The following LTA4H variants were observed in gnomAD, a reference collection of about 807,000 sequenced individuals.
LTA4H encodes leukotriene A4 hydrolase.
LTA4H carries 59 observed loss-of-function variants against 89.8 expected under a neutral mutation model. The observed-to-expected ratio is 0.66, with a 90% CI of 0.53 to 0.82. The LOEUF (loss-of-function observed/expected upper bound fraction) is 0.82. Among genes scored for constraint, LTA4H ranks in the 40% least tolerant of loss-of-function variants. The pLI, the probability that LTA4H is intolerant of heterozygous loss-of-function variation, is 0.00. For missense variants in LTA4H, 617 were observed against 727.0 expected (o/e 0.85, Z 1.74); for synonymous variants, 227 against 253.1 (o/e 0.90, Z 0.98).
Position 96,009,932 on chromosome 12 carries a change from T to C in LTA4H, c.1380-784A>G, listed in dbSNP as rs1286015235. 2.0e-5 allele frequency: 3 copies of C among 151,938 alleles called. No individual in the cohort carries two copies. The East Asian group carries it at 5.8e-4, about 29-fold the overall frequency. The allele number at this position is 151,938 out of a possible 1,614,324, so 9.4% of individuals were successfully genotyped here. A position where few individuals can be genotyped will look rare whatever the true frequency, so the allele number is the denominator to read the frequency against. On this transcript the variant is annotated intron_variant, in intron 14 of 18. Transcript: ENST00000228740. ...ACCACTGAATCTCCCTTAAAGAGAG[T>C]TGTGACTGGGACTCCGTTTGTTCCC... is the stretch of plus-strand genomic sequence containing the variant.
At position 96,013,873 on chromosome 12, in the gene LTA4H, G is replaced by T. The variant is rs372836287; in HGVS notation, c.1205-20C>A. The T allele has an allele frequency of 2.0e-5, 22 of 1,076,602 alleles. No homozygotes were observed. The highest frequency in any genetic ancestry group is 6.4e-5 in the African/African-American group (4 of 62,594). The allele number at this position is 1,076,602 out of a possible 1,614,324, so 66.7% of individuals were successfully genotyped here. On this transcript the variant is annotated intron_variant, in intron 12 of 18. Coordinates refer to ENST00000228740, the MANE Select transcript of LTA4H (RefSeq NM_000895.3). Reference sequence around the variant, plus strand: ...AAATCTCTAAGAGTAAAAAAGAAAAGAAATCAATTCATAGAAAGGTAATTA... The same window carrying T: ...AAATCTCTAAGAGTAAAAAAGAAAATAAATCAATTCATAGAAAGGTAATTA...
chr12:96,042,299 C>T (rs1950693773), intron 1 of LTA4H, among the ~76,000 whole-genome samples: 1 of 152,140 alleles, frequency 6.6e-6, no homozygotes, highest in South Asian at 2.1e-4. Context: ...TCCACTAACG[C>T]AGGCCTCCAT....
chr12:96,021,203 A>T (rs1323993121), intron 5 of LTA4H, 66 bp from the exon 6 acceptor site: 4 of 1,207,820 alleles, frequency 3.3e-6, no homozygotes, highest in Non-Finnish European at 4.6e-6. Flanking sequence ...ACACAGTAAG[A>T]CAATTCATAT....
At chr12:96,021,682 C>G (rs893205778) in intron 5 of LTA4H, among the ~76,000 whole-genome samples, 1 of 151,890 alleles carries the variant, frequency 6.6e-6, no homozygotes, top group Non-Finnish European at 1.5e-5. Context: ...CACACACACA[C>G]ACACACACAC....
At chr12:96,021,911 A>G (rs1322655757) in intron 5 of LTA4H, among the ~76,000 whole-genome samples, 1 of 152,208 alleles carries the variant, frequency 6.6e-6, no homozygotes, top group Non-Finnish European at 1.5e-5. Flanking sequence ...AGGGAAAATG[A>G]AAACAGGTAT....
At chr12:96,029,653 G>A (rs1950552215) in intron 1 of LTA4H, among the ~76,000 whole-genome samples, 1 of 152,072 alleles carries the variant, frequency 6.6e-6, no homozygotes, top group Admixed American at 6.5e-5. Flanking sequence ...TCTAGAAAAA[G>A]CCCAACCTGG....
chr12:96,022,138 G>A lies in LTA4H; in HGVS notation c.585+9C>T. On this transcript the variant is annotated intron_variant, in intron 5 of 18. Coordinates refer to ENST00000228740, the MANE Select transcript of LTA4H (RefSeq NM_000895.3). This position sits in a 1 kb window ranked among gnomAD's most constrained non-coding sequence, Gnocchi z 4.0. ...AATGAAAACAAAAATCTAGACCCTA[G>A]GATCTTACTTTTTGGATGAATTTGT... 6.2e-7 allele frequency: 1 copy of A among 1,601,790 alleles called. No individual in the cohort carries two copies. Among genetic ancestry groups the A allele is most frequent in the Admixed American group, 1.7e-5 (1 of 59,958 alleles).
At position 96,024,370 on chromosome 12, in the gene LTA4H, A is replaced by T. The variant is rs1950488464; in HGVS notation, c.480+109T>A. On this transcript the variant is annotated intron_variant, in intron 4 of 18. Transcript: ENST00000228740. Reference sequence around the variant, plus strand: ...TACATATTTCAGGTAGAATTTCATTAAGAAAAATAATTCTAGCTCTAGGAA... The same window carrying T: ...TACATATTTCAGGTAGAATTTCATTTAGAAAAATAATTCTAGCTCTAGGAA... 2.9e-5 allele frequency: 18 copies of T among 617,648 alleles called. 1 individual carries two copies. In the South Asian group the frequency reaches 4.1e-4, roughly 14 times the overall value. The allele number at this position is 617,648 out of a possible 1,614,324, so 38.3% of individuals were successfully genotyped here. A position where few individuals can be genotyped will look rare whatever the true frequency, so the allele number is the denominator to read the frequency against.
rs1383413480 is a variant in LTA4H at position 96,000,951 on chromosome 12, A to G, written c.*38T>C. The G allele has an allele frequency of 7.4e-7, 1 of 1,349,470 alleles. No individual in the cohort carries two copies. Among genetic ancestry groups the G allele is most frequent in the African/African-American group, 1.4e-5 (1 of 69,358 alleles). The allele number at this position is 1,349,470 out of a possible 1,614,324, so 83.6% of individuals were successfully genotyped here. A position where few individuals can be genotyped will look rare whatever the true frequency, so the allele number is the denominator to read the frequency against. On this transcript the variant is annotated 3_prime_UTR_variant, in exon 19 of 19. Transcript: ENST00000228740. Reference sequence around the variant, plus strand: ...TATATTTCTTTACGAATTCCATTTAAAAAAGAGAAATCTCTAAAATCATCA... The same window carrying G: ...TATATTTCTTTACGAATTCCATTTAGAAAAGAGAAATCTCTAAAATCATCA...
At chr12:96,043,456 T>C (rs1950704364) in exon 1 of LTA4H, 3 of 886,962 alleles carry the variant, frequency 3.4e-6, no homozygotes, top group East Asian at 2.6e-5. Context: ...CCTCTTCCCT[T>C]GTTGCTTTAA....
chr12:96,026,924 C>A (rs1355164229), intron 3 of LTA4H, among the ~76,000 whole-genome samples: 1 of 152,080 alleles, frequency 6.6e-6, no homozygotes, highest in Non-Finnish European at 1.5e-5. Context: ...TAGTTTAAGT[C>A]ATGCAATTTT....
At chr12:96,016,541 C>G (rs1950377934) in intron 10 of LTA4H, among the ~76,000 whole-genome samples, 1 of 150,078 alleles carries the variant, frequency 6.7e-6, no homozygotes, top group Admixed American at 6.6e-5. Context: ...CCTGGAGTTG[C>G]AGTTAGCAGA....
At chr12:96,037,263 C>T (rs1022164341), upstream of LTA4H, among the ~76,000 whole-genome samples, 1 of 152,128 alleles carries the variant, frequency 6.6e-6, no homozygotes, top group Admixed American at 6.5e-5. Context: ...TAGACATGAC[C>T]ACGTCACATA....
chr12:96,040,093 T>C (rs1950677143), upstream of LTA4H, among the ~76,000 whole-genome samples: 2 of 152,182 alleles, frequency 1.3e-5, no homozygotes, highest in African/African-American at 4.8e-5. Flanking sequence ...GAGATGGGAT[T>C]TGAAGGATGA....
chr12:96,042,938 T>C (rs1336887699), intron 1 of LTA4H, among the ~76,000 whole-genome samples: 1 of 152,202 alleles, frequency 6.6e-6, no homozygotes, highest in Non-Finnish European at 1.5e-5. Flanking sequence ...GCAATGTTCA[T>C]GATTGATAAA....
At position 96,014,855 on chromosome 12, in the gene LTA4H, C is replaced by G; in HGVS notation, c.1204G>C (p.Glu402Gln). The G allele has an allele frequency of 6.2e-7, 1 of 1,603,342 alleles. No individual in the cohort carries two copies. The highest frequency in any genetic ancestry group is 8.5e-7 in the Non-Finnish European group (1 of 1,176,932). ...AAATCATAAAATACCAACTACTTAC[C>G]TGGTCCTCCAAGCAGTTGTTCAAGG... ...FYLEQLLGGP[E>Q]IFLGFLKAYV... The change falls in exon 12 of 19, where the codon GAG becomes CAG. Residue 402 changes from glutamate to glutamine, a missense_variant and splice_region_variant. By Grantham distance (29) the Glu-to-Gln change is conservative. This residue lies in a region of LTA4H where 290 missense variants were observed against 339.1 expected (regional missense o/e 0.86). Coordinates refer to ENST00000228740, the MANE Select transcript of LTA4H (RefSeq NM_000895.3).
At chr12:96,036,643 A>G (rs1950649999), upstream of LTA4H, among the ~76,000 whole-genome samples, 1 of 152,206 alleles carries the variant, frequency 6.6e-6, no homozygotes, top group African/African-American at 2.4e-5. Flanking sequence ...GAATACTTAT[A>G]TAAGTGGATT....
chr12:96,027,150 T>A, intron 3 of LTA4H, among the ~76,000 whole-genome samples: 1 of 152,224 alleles, frequency 6.6e-6, no homozygotes, highest in East Asian at 1.9e-4. Context: ...ATTTTATGAC[T>A]ATTTACTGAG....
At chr12:96,043,424 CCAAGCCCA>C in exon 1 of LTA4H, 1 of 1,168,830 alleles carries the variant, frequency 8.6e-7, no homozygotes, top group South Asian at 1.3e-5. Flanking sequence ...AAATAAACTC[CCAAGCCCA>C]TGCATCCTCT....
Sources: gnomAD v4.1 joint callset for allele counts (sites outside exome capture counted in the v4.1 genomes callset) on GRCh38, gnomAD v4.1.1 for gene constraint, gnomAD v4.1.1 regional missense constraint, Gnocchi (gnomAD v3.1) non-coding constraint, MANE v1.5 for transcripts, NCBI Gene and HGNC (gene_info 2026-07-23, HGNC 2026-07-21) for gene names.